C8orf34: variants seen among roughly 807,000 people sequenced by gnomAD.
C8orf34 encodes the protein chromosome 8 open reading frame 34, also known as uncharacterized protein C8orf34.
A neutral mutation model predicts 68.3 loss-of-function variants in C8orf34; 65 were observed. That is an observed-to-expected ratio of 0.95 (90% CI 0.78 to 1.17). The LOEUF is 1.17. C8orf34 is among the 50% of genes most tolerant of loss of function. The probability of loss-of-function intolerance (pLI) is 0.00; values close to 1 mark genes in which losing one functional copy is unlikely to be tolerated. For synonymous variants in C8orf34, 244 were observed against 241.2 expected (o/e 1.01, Z -0.11); for missense variants, 664 against 655.4 (o/e 1.01, Z -0.14).
intron 6 of C8orf34, among the ~76,000 whole-genome samples, chr8:68,527,155 A>G (rs1815033205): frequency 6.6e-6 from 1 of 152,146 alleles, no homozygotes; most frequent in Non-Finnish European, 1.5e-5. Context: ...GCTCAAGAGG[A>G]GGCGTTCACA....
intron 7 of C8orf34, among the ~76,000 whole-genome samples, chr8:68,581,817 C>A (rs1042338482): frequency 7.2e-5 from 11 of 152,074 alleles, no homozygotes; most frequent in African/African-American, 2.4e-4. Context: ...CATTGTCTCA[C>A]CTTCCAAATT....
chr8:68,735,103 G>A (rs910696994), intron 10 of C8orf34, among the ~76,000 whole-genome samples: 34 of 152,154 alleles, frequency 2.2e-4, no homozygotes, highest in African/African-American at 8.0e-4. Context: ...ACAGTTAATG[G>A]TGTAGGTATG....
At chr8:68,381,617 A>G (rs915186316) in intron 1 of C8orf34, among the ~76,000 whole-genome samples, 2 of 150,600 alleles carry the variant, frequency 1.3e-5, no homozygotes, top group African/African-American at 4.9e-5. Context: ...CTGTAGTCCC[A>G]GCTACTCGGG....
chr8:68,577,171 G>T (rs1278338691), intron 7 of C8orf34, among the ~76,000 whole-genome samples: 1 of 151,856 alleles, frequency 6.6e-6, no homozygotes, highest in Non-Finnish European at 1.5e-5. Flanking sequence ...CAAGGCGCAG[G>T]TATTGCTAAT....
chr8:68,398,870 C>T (rs1554540517), intron 1 of C8orf34, among the ~76,000 whole-genome samples: 2 of 152,150 alleles, frequency 1.3e-5, no homozygotes, highest in African/African-American at 2.4e-5. Context: ...TACTCAGCAA[C>T]TCTTCACATT....
At chr8:68,427,496 C>T (rs1472461359) in intron 1 of C8orf34, among the ~76,000 whole-genome samples, 1 of 152,052 alleles carries the variant, frequency 6.6e-6, no homozygotes, top group Non-Finnish European at 1.5e-5. Context: ...TGTTATCTAG[C>T]TATAGAGATG....
chr8:68,480,868 A>C (rs1420975811), intron 4 of C8orf34, among the ~76,000 whole-genome samples: 1 of 152,220 alleles, frequency 6.6e-6, no homozygotes, highest in Non-Finnish European at 1.5e-5. Flanking sequence ...GGAGTAGAGC[A>C]TAAAAGTTTG....
At chr8:68,379,778 C>T (rs1006788930) in intron 1 of C8orf34, among the ~76,000 whole-genome samples, 1 of 152,174 alleles carries the variant, frequency 6.6e-6, no homozygotes, top group South Asian at 2.1e-4. Context: ...GTCATTGTCT[C>T]GGATAAAGAT....
At chr8:68,589,394 G>A (rs1274788139) in intron 7 of C8orf34, among the ~76,000 whole-genome samples, 1 of 151,654 alleles carries the variant, frequency 6.6e-6, no homozygotes, top group Non-Finnish European at 1.5e-5. Context: ...AGAGGGGAAG[G>A]AAGGAAGAGA....
At chr8:68,649,729 G>A (rs1819287109) in intron 8 of C8orf34, among the ~76,000 whole-genome samples, 1 of 152,098 alleles carries the variant, frequency 6.6e-6, no homozygotes, top group Non-Finnish European at 1.5e-5. Context: ...ATGCATATGT[G>A]TGCACACTCA....
intron 1 of C8orf34, among the ~76,000 whole-genome samples, chr8:68,435,594 C>G (rs7005081): frequency 0.1 from 15,442 of 152,194 alleles, 951 homozygotes; most frequent in African/African-American, 0.16. Flanking sequence ...CTGTGAATCT[C>G]TCATCTGTTC....
intron 5 of C8orf34, among the ~76,000 whole-genome samples, chr8:68,510,798 G>A (rs1460183418): frequency 6.6e-6 from 1 of 152,124 alleles, no homozygotes; most frequent in Non-Finnish European, 1.5e-5. Flanking sequence ...CTCAGATAAG[G>A]CCTTAAAAAC....
At chr8:68,511,564 G>A (rs1474116749) in intron 5 of C8orf34, among the ~76,000 whole-genome samples, 1 of 139,222 alleles carries the variant, frequency 7.2e-6, no homozygotes, top group Non-Finnish European at 1.5e-5. Context: ...AGAACTGGCA[G>A]GAAAGTTTTT....
intron 8 of C8orf34, among the ~76,000 whole-genome samples, chr8:68,677,221 T>C (rs1464668662): frequency 6.6e-6 from 1 of 152,140 alleles, no homozygotes; most frequent in East Asian, 1.9e-4. Flanking sequence ...AAAAATGTCT[T>C]GAAAGAAATG....
At chr8:68,574,124 A>T (rs925639161) in intron 7 of C8orf34, among the ~76,000 whole-genome samples, 2 of 152,126 alleles carry the variant, frequency 1.3e-5, no homozygotes, top group Admixed American at 6.6e-5. Flanking sequence ...TTGTTAACTT[A>T]GTCTATCAGA....
chr8:68,375,424 C>T (rs2129619928), intron 1 of C8orf34, among the ~76,000 whole-genome samples: 2 of 152,308 alleles, frequency 1.3e-5, no homozygotes, highest in South Asian at 4.1e-4. Flanking sequence ...CTGATAATCC[C>T]TAACAAATAG....
At chr8:68,692,641 T>A (rs550905294) in intron 8 of C8orf34, among the ~76,000 whole-genome samples, 1 of 152,186 alleles carries the variant, frequency 6.6e-6, no homozygotes, top group South Asian at 2.1e-4. Context: ...TAAGTAAAAC[T>A]TGTTAATATA....
chr8:68,372,416 T>C (rs529579326), intron 1 of C8orf34, among the ~76,000 whole-genome samples: 118 of 152,218 alleles, frequency 7.8e-4, no homozygotes, highest in African/African-American at 2.7e-3. Context: ...GAAGAAAGCT[T>C]AGCCTAGATG....
At chr8:68,748,288 A>G (rs1822574546) in intron 10 of C8orf34, among the ~76,000 whole-genome samples, 1 of 143,382 alleles carries the variant, frequency 7.0e-6, no homozygotes, top group African/African-American at 2.7e-5. Context: ...AAACCCTAGA[A>G]GAAAACCTAG....
Sources: gnomAD v4.1 joint callset for allele counts (sites outside exome capture counted in the v4.1 genomes callset) on GRCh38, gnomAD v4.1.1 for gene constraint, MANE v1.5 for transcripts, NCBI Gene and HGNC (gene_info 2026-07-23, HGNC 2026-07-21) for gene names.